C8orf34: variants seen among roughly 807,000 people sequenced by gnomAD.
C8orf34 encodes the protein uncharacterized protein C8orf34.
A neutral mutation model predicts 68.3 loss-of-function variants in C8orf34; 65 were observed. The ratio of observed to expected loss-of-function variants is 0.95; its 90% CI spans 0.78 to 1.17. The LOEUF (loss-of-function observed/expected upper bound fraction) is 1.17. Among genes scored for constraint, C8orf34 ranks in the 50% most tolerant of loss-of-function variants. The probability of loss-of-function intolerance (pLI) is 0.00; values close to 1 mark genes in which losing one functional copy is unlikely to be tolerated. For missense variants in C8orf34, 664 were observed against 655.4 expected (o/e 1.01, Z -0.14); for synonymous variants, 244 against 241.2 (o/e 1.01, Z -0.11).
At chr8:68,494,712 C>T (rs1029208080) in intron 5 of C8orf34, among the ~76,000 whole-genome samples, 1 of 151,562 alleles carries the variant, frequency 6.6e-6, no homozygotes, top group Non-Finnish European at 1.5e-5. Context: ...AAAAATGAGT[C>T]GGGCATGGTG....
intron 11 of C8orf34, 66 bp downstream of exon 11, chr8:68,776,515 C>T (rs542764009): frequency 2.4e-6 from 3 of 1,262,158 alleles, no homozygotes; most frequent in African/African-American, 3.0e-5. Context: ...GAAGCACTCA[C>T]TTAGGCTTTC....
chr8:68,633,225 A>G (rs1818742879), intron 7 of C8orf34, among the ~76,000 whole-genome samples: 4 of 152,142 alleles, frequency 2.6e-5, no homozygotes, highest in Admixed American at 2.6e-4. Context: ...CTAGATAGTA[A>G]AAGAATATAA....
intron 7 of C8orf34, among the ~76,000 whole-genome samples, chr8:68,590,883 T>A (rs1382329879): frequency 6.6e-6 from 1 of 152,114 alleles, no homozygotes; most frequent in Non-Finnish European, 1.5e-5. Context: ...ACACATGGAC[T>A]AGCAAAGACC....
chr8:68,769,629 GTTTTAAAAGTGACTTAGCTCTT>G (rs1823282450), intron 10 of C8orf34, among the ~76,000 whole-genome samples: 1 of 152,086 alleles, frequency 6.6e-6, no homozygotes, highest in Non-Finnish European at 1.5e-5. Context: ...CTATTCACCA[GTTTTAAAAGTGACTTAGCTCTT>G]TTTTCCTACT....
intron 1 of C8orf34, among the ~76,000 whole-genome samples, chr8:68,355,070 C>T (rs890970854): frequency 2.0e-5 from 3 of 152,034 alleles, no homozygotes; most frequent in African/African-American, 7.2e-5. Flanking sequence ...TAACCCCCAT[C>T]CCATTAAGTT....
At chr8:68,675,282 G>A (rs1820148195) in intron 8 of C8orf34, among the ~76,000 whole-genome samples, 1 of 152,084 alleles carries the variant, frequency 6.6e-6, no homozygotes, top group Non-Finnish European at 1.5e-5. Flanking sequence ...TTATAATACT[G>A]TAATGGTGGT....
chr8:68,674,909 G>A (rs1324638979), intron 8 of C8orf34, among the ~76,000 whole-genome samples: 3 of 151,682 alleles, frequency 2.0e-5, no homozygotes, highest in Non-Finnish European at 2.9e-5. Context: ...AGCAGCAAGA[G>A]AAAAGGAACA....
intron 7 of C8orf34, among the ~76,000 whole-genome samples, chr8:68,561,690 G>A (rs938434150): frequency 6.6e-6 from 1 of 152,144 alleles, no homozygotes; most frequent in African/African-American, 2.4e-5. Flanking sequence ...CCTGGGAAGT[G>A]GAGGTTGCAG....
chr8:68,505,785 C>T (rs907599339), intron 5 of C8orf34, among the ~76,000 whole-genome samples: 5 of 150,970 alleles, frequency 3.3e-5, no homozygotes, highest in Admixed American at 6.6e-5. Flanking sequence ...GGCTGAGAAT[C>T]AGGCAAGGGA....
intron 7 of C8orf34, among the ~76,000 whole-genome samples, chr8:68,538,472 T>G (rs929855213): frequency 6.6e-6 from 1 of 152,122 alleles, no homozygotes; most frequent in Non-Finnish European, 1.5e-5. Context: ...AAAGTGCTTT[T>G]TTTTTTTCTT....
At chr8:68,342,066 G>A (rs1344165057) in intron 1 of C8orf34, among the ~76,000 whole-genome samples, 1 of 152,136 alleles carries the variant, frequency 6.6e-6, no homozygotes, top group Non-Finnish European at 1.5e-5. Context: ...TAATGGAGTA[G>A]ATTTTAGATT....
intron 1 of C8orf34, among the ~76,000 whole-genome samples, chr8:68,345,728 CATAT>C (rs1286467064): frequency 6.6e-6 from 1 of 151,610 alleles, no homozygotes; most frequent in Non-Finnish European, 1.5e-5. Flanking sequence ...TGTATTTATA[CATAT>C]ATACATATAA....
intron 1 of C8orf34, chr8:68,437,995 G>A (rs1330320898): frequency 1.3e-5 from 2 of 152,220 alleles, no homozygotes; most frequent in East Asian, 3.9e-4. Context: ...TTCTTATATA[G>A]CATGTCTGAG....
chr8:68,597,501 C>G (rs1364366297), intron 7 of C8orf34, among the ~76,000 whole-genome samples: 1 of 151,868 alleles, frequency 6.6e-6, no homozygotes, highest in Non-Finnish European at 1.5e-5. Flanking sequence ...TTTCTAAAAA[C>G]AAATCCTAGA....
intron 1 of C8orf34, among the ~76,000 whole-genome samples, chr8:68,343,634 C>T (rs1353767341): frequency 6.6e-6 from 1 of 151,472 alleles, no homozygotes; most frequent in East Asian, 1.9e-4. Context: ...CGCTCTGCCG[C>T]CCAGGCTGGA....
rs1205347824 is a variant in C8orf34, at chr8:68,541,923, G to A, written c.1105+8774G>A. ...ATTTTAAACAATTTGAAATATTCAA[G>A]CTTTTTATTTAAAAAGTATCAAAAG... On this transcript the variant is annotated intron_variant, in intron 7 of 13. Transcript: ENST00000518698. Among the ~76,000 whole-genome samples the A allele has an allele frequency of 2.6e-5, 4 of 152,148 alleles. No individual in the cohort carries two copies. The East Asian group carries it at 5.8e-4, about 22-fold the overall frequency.
intron 1 of C8orf34, chr8:68,438,342 A>G (rs1244811186): frequency 3.9e-5 from 6 of 152,114 alleles, no homozygotes; most frequent in Non-Finnish European, 8.8e-5. Context: ...TAAAATAATA[A>G]AGACTTCTGA....
At chr8:68,575,056 T>TAA (rs1238283571) in intron 7 of C8orf34, among the ~76,000 whole-genome samples, 3 of 151,912 alleles carry the variant, frequency 2.0e-5, no homozygotes, top group African/African-American at 7.2e-5. Flanking sequence ...TAAGTTTATA[T>TAA]AAAATATAAA....
At chr8:68,802,336 G>A (rs934430877) in intron 12 of C8orf34, among the ~76,000 whole-genome samples, 5 of 152,030 alleles carry the variant, frequency 3.3e-5, no homozygotes, top group Non-Finnish European at 7.4e-5. Context: ...CCGACCTCAG[G>A]TGATCCACCT....
Sources: allele counts gnomAD v4.1 joint callset (sites outside exome capture counted in the v4.1 genomes callset), GRCh38; gene constraint gnomAD v4.1.1; transcripts MANE v1.5; gene names NCBI Gene and HGNC (gene_info 2026-07-23, HGNC 2026-07-21).